The following CALCR variants were observed in gnomAD, a reference collection of about 807,000 sequenced individuals.
CALCR encodes calcitonin receptor.
CALCR carries 47 observed loss-of-function variants against 59.5 expected under a neutral mutation model. The observed-to-expected ratio is 0.79, with a 90% CI of 0.63 to 1.01. The LOEUF is 1.01. Ranked by LOEUF, CALCR falls within the 50% of genes least tolerant of loss-of-function variation. CALCR has a pLI of 0.00. For synonymous variants in CALCR, 213 were observed against 211.3 expected (o/e 1.01, Z -0.07); for missense variants, 566 against 597.1 (o/e 0.95, Z 0.54).
chr7:93,558,782 G>A (rs558199324), intron 2 of CALCR, among the ~76,000 whole-genome samples: 129 of 152,182 alleles, frequency 8.5e-4, no homozygotes, highest in African/African-American at 2.9e-3. Context: ...CTGTGGAAAC[G>A]ATGGGGAAGA....
intron 8 of CALCR, among the ~76,000 whole-genome samples, 191 bp from the exon 9 acceptor site, chr7:93,443,948 G>A (rs1451215446): frequency 1.3e-5 from 2 of 152,142 alleles, no homozygotes; most frequent in Non-Finnish European, 2.9e-5. Flanking sequence ...GCTATTACAT[G>A]TAAATAGCCA....
intron 2 of CALCR, among the ~76,000 whole-genome samples, chr7:93,500,697 C>A (rs1415001436): frequency 1.3e-5 from 2 of 151,964 alleles, no homozygotes; most frequent in African/African-American, 4.8e-5. Context: ...CCAGGACTTG[C>A]TCTTACGGAG....
intron 6 of CALCR, among the ~76,000 whole-genome samples, chr7:93,472,052 C>A (rs565457642): frequency 3.3e-5 from 5 of 151,838 alleles, no homozygotes; most frequent in East Asian, 2.0e-4. Context: ...GTTAGAGAGT[C>A]CCTTGAAATG....
intron 2 of CALCR, among the ~76,000 whole-genome samples, chr7:93,509,723 T>C (rs1355420352): frequency 6.6e-6 from 1 of 152,168 alleles, no homozygotes; most frequent in Non-Finnish European, 1.5e-5. Flanking sequence ...GGAATAATGT[T>C]GCATTTGTAG....
chr7:93,453,447 A>C (rs545711004), intron 8 of CALCR, among the ~76,000 whole-genome samples: 91 of 152,152 alleles, frequency 6.0e-4, no homozygotes, highest in Non-Finnish European at 1.1e-3. Context: ...ATCTGGAGTA[A>C]TCCAGCTAAG....
In CALCR at chr7:93,460,174, C is replaced by T. The variant is rs1455342528; in HGVS notation, c.648+647G>A. Reference sequence around the variant, plus strand: ...ACACTAGAATCACGGGGAAGCACTGCCTTAGTGTACCTAGTATCATCTATG... The same window carrying T: ...ACACTAGAATCACGGGGAAGCACTGTCTTAGTGTACCTAGTATCATCTATG... On this transcript the variant is annotated intron_variant, in intron 8 of 13. Coordinates refer to ENST00000426151, the MANE Select transcript of CALCR (RefSeq NM_001742.4). 2.0e-5 allele frequency among the ~76,000 whole-genome samples: 3 copies of T among 152,022 alleles called. No individual in the cohort carries two copies. The East Asian group carries it at 5.8e-4, about 30-fold the overall frequency.
chr7:93,500,904 T>C (rs542760569), intron 2 of CALCR, among the ~76,000 whole-genome samples: 12 of 152,154 alleles, frequency 7.9e-5, no homozygotes, highest in Non-Finnish European at 1.6e-4. Flanking sequence ...CACCATCAAA[T>C]GTAATTTAAT....
chr7:93,471,401 C>T (rs1198162371), intron 6 of CALCR, among the ~76,000 whole-genome samples: 1 of 151,826 alleles, frequency 6.6e-6, no homozygotes, highest in Non-Finnish European at 1.5e-5. Context: ...TTAGCTTGTG[C>T]TTGTGATGAG....
intron 2 of CALCR, among the ~76,000 whole-genome samples, chr7:93,566,071 TAA>T (rs1789858015): frequency 6.6e-6 from 1 of 152,004 alleles, no homozygotes; most frequent in Admixed American, 6.6e-5. Flanking sequence ...TTATTATTAT[TAA>T]AGAGATTTTT....
At chr7:93,461,336 T>C (rs962123887) in intron 7 of CALCR, among the ~76,000 whole-genome samples, 2 of 152,056 alleles carry the variant, frequency 1.3e-5, no homozygotes, top group African/African-American at 4.8e-5. Flanking sequence ...AGGAAGAAAA[T>C]ATGTGGCCAG....
intron 3 of CALCR, among the ~76,000 whole-genome samples, chr7:93,484,311 C>T (rs1316643729): frequency 6.6e-6 from 1 of 151,764 alleles, no homozygotes; most frequent in Non-Finnish European, 1.5e-5. Flanking sequence ...AGTACAGAGA[C>T]AGTTACAGAG....
At chr7:93,432,125 T>C (rs1799671680) in intron 13 of CALCR, among the ~76,000 whole-genome samples, 1 of 152,238 alleles carries the variant, frequency 6.6e-6, no homozygotes, top group African/African-American at 2.4e-5. Flanking sequence ...ATTTTCATAA[T>C]GATCATTTCA....
At chr7:93,475,976 A>G (rs1800657907) in intron 5 of CALCR, among the ~76,000 whole-genome samples, 1 of 151,836 alleles carries the variant, frequency 6.6e-6, no homozygotes, top group African/African-American at 2.4e-5. Context: ...CTCTCACTCC[A>G]GATTCACGCA....
chr7:93,522,715 G>C (rs1015514521), intron 2 of CALCR, among the ~76,000 whole-genome samples: 38 of 152,146 alleles, frequency 2.5e-4, no homozygotes, highest in African/African-American at 8.9e-4. Flanking sequence ...GAAAAGCCCA[G>C]CATGCCATCT....
intron 4 of CALCR, 50 bp from the exon 5 acceptor site, chr7:93,477,718 A>G (rs1800697554): frequency 8.7e-7 from 1 of 1,145,488 alleles, no homozygotes; most frequent in Non-Finnish European, 1.3e-6. Context: ...ATTTAACTAA[A>G]TGAGAAGATT....
At chr7:93,464,114 T>C (rs1455445989) in intron 7 of CALCR, among the ~76,000 whole-genome samples, 3 of 152,038 alleles carry the variant, frequency 2.0e-5, no homozygotes, top group South Asian at 2.1e-4. Flanking sequence ...CTGGTGTAAA[T>C]CTTTCACATT....
intron 13 of CALCR, among the ~76,000 whole-genome samples, chr7:93,431,713 A>G (rs80202926): frequency 6.6e-6 from 1 of 152,220 alleles, no homozygotes; most frequent in Non-Finnish European, 1.5e-5. Context: ...GGAAATAAAC[A>G]AAATTTTAGC....
At chr7:93,527,968 T>C (rs1340486376) in intron 2 of CALCR, among the ~76,000 whole-genome samples, 1 of 152,176 alleles carries the variant, frequency 6.6e-6, no homozygotes, top group African/African-American at 2.4e-5. Flanking sequence ...GGTAAGTATA[T>C]TCAAGAAGCA....
chr7:93,450,442 C>T (rs1800086370), intron 8 of CALCR, among the ~76,000 whole-genome samples: 1 of 151,942 alleles, frequency 6.6e-6, no homozygotes, highest in Non-Finnish European at 1.5e-5. Flanking sequence ...CAGTGAAAGA[C>T]TACACACAAG....
Sources: gnomAD v4.1 joint callset for allele counts (sites outside exome capture counted in the v4.1 genomes callset) on GRCh38, gnomAD v4.1.1 for gene constraint, MANE v1.5 for transcripts, NCBI Gene and HGNC (gene_info 2026-07-23, HGNC 2026-07-21) for gene names.